The following CYFIP2 variants were observed in gnomAD, a reference collection of about 807,000 sequenced individuals.
CYFIP2 encodes the protein cytoplasmic FMR1 interacting protein 2.
CYFIP2 carries 29 observed loss-of-function variants against 158.7 expected under a neutral mutation model. The ratio of observed to expected loss-of-function variants is 0.18; its 90% CI spans 0.14 to 0.25. The LOEUF (loss-of-function observed/expected upper bound fraction) is 0.25. Among genes scored for constraint, CYFIP2 ranks in the 10% least tolerant of loss-of-function variants. CYFIP2 has a pLI of 1.00. For missense variants in CYFIP2, 852 were observed against 1,639.5 expected, an observed-to-expected ratio of 0.52 and a Z score of 8.29; for synonymous variants, 585 against 617.6, an observed-to-expected ratio of 0.95 and a Z score of 0.78.
intron 14 of CYFIP2, among the ~76,000 whole-genome samples, chr5:157,320,419 A>G (rs1181075041): frequency 2.0e-5 from 3 of 152,216 alleles, no homozygotes; most frequent in Non-Finnish European, 2.9e-5. Context: ...GTTCTCAGAC[A>G]TCCCTTGGAC....
intron 5 of CYFIP2, among the ~76,000 whole-genome samples, chr5:157,298,365 T>C (rs1395695285): frequency 6.6e-6 from 1 of 152,158 alleles, no homozygotes; most frequent in African/African-American, 2.4e-5. Context: ...AGAGTCTCTC[T>C]CTGTCGCTCA....
At chr5:157,292,511 G>A (rs777977322) in intron 3 of CYFIP2, among the ~76,000 whole-genome samples, 2 of 152,160 alleles carry the variant, frequency 1.3e-5, no homozygotes, top group Non-Finnish European at 1.5e-5. Flanking sequence ...GAGCCACCGC[G>A]CCTGGCCAGC....
chr5:157,282,420 A>C (rs1367051053), intron 1 of CYFIP2, among the ~76,000 whole-genome samples: 1 of 152,176 alleles, frequency 6.6e-6, no homozygotes, highest in African/African-American at 2.4e-5. Flanking sequence ...ACATGATCCA[A>C]ACACCTCCCA....
chr5:157,342,784 C>G, intron 23 of CYFIP2: 2 of 1,394,966 alleles, frequency 1.4e-6, no homozygotes, highest in South Asian at 1.4e-5. Context: ...AATGGGTAGT[C>G]TATAGACACA....
At chr5:157,378,194 T>C (rs1165354502) in intron 26 of CYFIP2, among the ~76,000 whole-genome samples, 1 of 152,190 alleles carries the variant, frequency 6.6e-6, no homozygotes, top group Non-Finnish European at 1.5e-5. Context: ...TCAACAGATT[T>C]ATAAAAATTA....
Position 157,366,421 on chromosome 5 carries a change from G to A in CYFIP2, c.3039+4823G>A, listed in dbSNP as rs546765254. On this transcript the variant is annotated intron_variant, in intron 26 of 30. Coordinates refer to ENST00000620254, the MANE Select transcript of CYFIP2 (RefSeq NM_001037333.3). Reference sequence around the variant, plus strand: ...CCCTTACGGTTTTGTGATTTGTTTAGAAAACCTTTCCTACTCTAACGCGTG... The same window carrying A: ...CCCTTACGGTTTTGTGATTTGTTTAAAAAACCTTTCCTACTCTAACGCGTG... Among the ~76,000 whole-genome samples, 4 of 152,252 alleles carry A rather than the reference G, an allele frequency of 2.6e-5. No individual in the cohort carries two copies. In the South Asian group the frequency reaches 8.3e-4, roughly 32 times the overall value.
intron 26 of CYFIP2, among the ~76,000 whole-genome samples, chr5:157,366,203 C>G (rs752760187): frequency 3.7e-4 from 57 of 152,258 alleles, no homozygotes; most frequent in Middle Eastern, 3.4e-3. Context: ...GATGCTGATT[C>G]TCCTTCCACA....
chr5:157,296,739 G>A lies in CYFIP2; in HGVS notation c.352G>A (p.Glu118Lys). The A allele has an allele frequency of 6.2e-7, 1 of 1,613,832 alleles. No homozygotes were observed. The highest frequency in any genetic ancestry group is 1.1e-5 in the South Asian group (1 of 91,056). Residue 118 changes from glutamate to lysine, a missense_variant, in exon 5 of 31, where the codon GAG becomes AAG. This residue lies in a region of CYFIP2 where 123 missense variants were observed against 316.7 expected (regional missense o/e 0.39). Coordinates refer to ENST00000620254, the MANE Select transcript of CYFIP2 (RefSeq NM_001037333.3). ...YEKTVEVLEP[E>K]VTKLMKFMYF... ...GAAGACAGTAGAGGTGCTGGAGCCG[G>A]AGGTCACCAAGCTCATGAAGTTCAT...
At chr5:157,392,709 A>G in intron 30 of CYFIP2, 124 bp from the exon 31 acceptor site, 1 of 1,079,602 alleles carries the variant, frequency 9.3e-7, no homozygotes, top group Non-Finnish European at 1.4e-6. Context: ...CCATAAAAGG[A>G]CTTTAAGAAA....
Position 157,311,291 on chromosome 5 carries a change from G to A in CYFIP2, c.993-373G>A. ...GCAGAGTGTCTGTGCTGTCAGAGTG[G>A]GTAGGCTGGTTTTGGAGGTTGCCCA... On this transcript the variant is annotated intron_variant, in intron 10 of 30. Transcript: ENST00000620254. This position sits in a 1 kb window ranked among gnomAD's most constrained non-coding sequence, Gnocchi z 4.7. The A allele has an allele frequency of 2.7e-6, 1 of 368,690 alleles. No individual in the cohort carries two copies. Among genetic ancestry groups the A allele is most frequent in the Non-Finnish European group, 5.3e-6 (1 of 189,158 alleles). The allele number at this position is 368,690 out of a possible 1,614,324, so 22.8% of individuals were successfully genotyped here.
chr5:157,323,309 G>C (rs1273036751), intron 15 of CYFIP2, among the ~76,000 whole-genome samples: 1 of 152,164 alleles, frequency 6.6e-6, no homozygotes, highest in Admixed American at 6.5e-5. Flanking sequence ...CACCAAGGGG[G>C]CGCCATCGCT....
At position 157,326,187 on chromosome 5, in the gene CYFIP2, C is replaced by G. The variant is rs1280400313; in HGVS notation, c.1999C>G (p.Leu667Val). 1 of 1,613,896 alleles carries G rather than the reference C, an allele frequency of 6.2e-7. No homozygotes were observed. Among genetic ancestry groups the G allele is most frequent in the Non-Finnish European group, 8.5e-7 (1 of 1,179,780 alleles). The change falls in exon 18 of 31, where the codon CTG becomes GTG. Residue 667 changes from leucine to valine, a missense_variant. By Grantham distance (32) the Leu-to-Val change is conservative. Transcript: ENST00000620254. ...CCTCTTCAGGTATGTCCTCTACCCT[C>G]TGGATCTGTACAACGACAGCGCCTA... The part of the protein sequence containing the change: ...PSMMEYVLYP[L>V]DLYNDSAYYA...
At chr5:157,280,202 G>T (rs75795677) in intron 1 of CYFIP2, among the ~76,000 whole-genome samples, 41 of 151,474 alleles carry the variant, frequency 2.7e-4, no homozygotes, top group Non-Finnish European at 8.8e-5. Context: ...GAGTATTTTT[G>T]TGTGTGTGTG....
chr5:157,277,003 T>C (rs1255326161), intron 1 of CYFIP2: 1 of 152,028 alleles, frequency 6.6e-6, no homozygotes, highest in African/African-American at 2.4e-5. Flanking sequence ...TATTCTATGC[T>C]GATTTAAATT....
intron 3 of CYFIP2, chr5:157,288,691 TG>T (rs886198674): frequency 1.1e-5 from 5 of 446,892 alleles, no homozygotes; most frequent in African/African-American, 2.0e-5. Context: ...ATTTTGCCGA[TG>T]GGGAAAACTG....
At chr5:157,300,925 C>A in intron 6 of CYFIP2, 29 bp downstream of exon 6, 1 of 1,518,498 alleles carries the variant, frequency 6.6e-7, no homozygotes, top group Non-Finnish European at 8.9e-7. Flanking sequence ...TCTCCCCTTT[C>A]CCCATCCAGG....
intron 13 of CYFIP2, 140 bp from the exon 14 acceptor site, chr5:157,319,622 A>G (rs1341441036): frequency 3.1e-6 from 3 of 962,426 alleles, no homozygotes; most frequent in Non-Finnish European, 4.5e-6. Context: ...TTACCTAGCC[A>G]TGCGCTGGCA....
intron 26 of CYFIP2, among the ~76,000 whole-genome samples, chr5:157,374,334 AAAG>A (rs1301372943): frequency 1.3e-5 from 2 of 152,200 alleles, no homozygotes. Flanking sequence ...ATTAATTTTT[AAAG>A]AATAACGTCT....
At chr5:157,325,429 T>C in intron 16 of CYFIP2, 53 bp from the exon 17 acceptor site, 2 of 1,531,380 alleles carry the variant, frequency 1.3e-6, no homozygotes, top group Non-Finnish European at 1.8e-6. Flanking sequence ...CAATGAGAAC[T>C]AAGGTCTTTT....
Sources: gnomAD v4.1 joint callset for allele counts (sites outside exome capture counted in the v4.1 genomes callset) on GRCh38, gnomAD v4.1.1 for gene constraint, gnomAD v4.1.1 regional missense constraint, Gnocchi (gnomAD v3.1) non-coding constraint, MANE v1.5 for transcripts, NCBI Gene and HGNC (gene_info 2026-07-23, HGNC 2026-07-21) for gene names.